RASA1: variants seen among roughly 807,000 people sequenced by gnomAD.
RASA1 encodes RAS p21 protein activator 1.
In RASA1, 25 loss-of-function variants were observed where a neutral mutation model predicts 132.2. That is an observed-to-expected ratio of 0.19 (90% CI 0.14 to 0.26). RASA1 has a LOEUF of 0.26. Ranked by LOEUF, RASA1 falls within the 10% of genes least tolerant of loss-of-function variation. RASA1 has a pLI of 1.00. For synonymous variants in RASA1, 477 were observed against 449.9 expected (o/e 1.06, Z -0.76); for missense variants, 964 against 1,299.2 (o/e 0.74, Z 3.97).
chr5:87,356,896 T>C (rs1421027186), intron 9 of RASA1, among the ~76,000 whole-genome samples: 2 of 152,178 alleles, frequency 1.3e-5, no homozygotes, highest in African/African-American at 4.8e-5. Context: ...CATGCTTTCC[T>C]AGTAGAATTT....
intron 19 of RASA1, among the ~76,000 whole-genome samples, 192 bp downstream of exon 19, chr5:87,380,042 C>T (rs1015929789): frequency 3.3e-5 from 5 of 152,150 alleles, no homozygotes; most frequent in Admixed American, 6.5e-5. Context: ...TATTTTCGTA[C>T]AAGCCAATAT....
rs185072580 is a variant in RASA1, at chr5:87,328,347, C to T, written c.540-3001C>T. ...ATTTTTTTTTAAACTTATTTGAAAA[C>T]GGTCACCAGCAAATCTACTTTTAAA... On this transcript the variant is annotated intron_variant, in intron 1 of 24. Coordinates refer to ENST00000274376, the MANE Select transcript of RASA1 (RefSeq NM_002890.3). 2.4e-3 allele frequency among the ~76,000 whole-genome samples: 363 copies of T among 151,642 alleles called. 1 individual carries two copies. Among genetic ancestry groups the T allele is most frequent in the African/African-American group, 8.2e-3 (340 of 41,334 alleles).
chr5:87,268,300 C>A lies in RASA1; in HGVS notation c.-152C>A. ...CCTGGGCTGTGGCCCTAGGAGGGGG[C>A]GCGGCGGCGGGCTCTCTCCTTTTGT... is the stretch of plus-strand genomic sequence containing the variant. On this transcript the variant is annotated 5_prime_UTR_variant, in exon 1 of 25. Coordinates refer to ENST00000274376, the MANE Select transcript of RASA1 (RefSeq NM_002890.3). 2.7e-6 allele frequency: 3 copies of A among 1,114,436 alleles called. No homozygotes were observed. The highest frequency in any genetic ancestry group is 1.7e-5 in the South Asian group (1 of 58,822). 69.0% of individuals were successfully genotyped at this position (1,114,436 alleles called of 1,614,324 possible).
intron 15 of RASA1, 35 bp from the exon 16 acceptor site, chr5:87,376,358 T>C: frequency 6.2e-7 from 1 of 1,610,592 alleles, no homozygotes; most frequent in Non-Finnish European, 8.5e-7. Context: ...TCGTGTTCTC[T>C]TTTTAAACAA....
In RASA1 at chr5:87,391,481, T is replaced by C. The variant is rs1014046444; in HGVS notation, c.*598T>C. On this transcript the variant is annotated 3_prime_UTR_variant, in exon 25 of 25. Coordinates refer to ENST00000274376, the MANE Select transcript of RASA1 (RefSeq NM_002890.3). Reference sequence around the variant, plus strand: ...TTGCTGGAACTGTTGAAAGAAAATATATAGAATGATCTATTGCTCATCAGC... The same window carrying C: ...TTGCTGGAACTGTTGAAAGAAAATACATAGAATGATCTATTGCTCATCAGC... 13 of 240,264 alleles carry C rather than the reference T, an allele frequency of 5.4e-5. No individual in the cohort carries two copies. Among genetic ancestry groups the C allele is most frequent in the African/African-American group, 8.8e-5 (4 of 45,346 alleles). The allele number at this position is 240,264 out of a possible 1,614,324, so 14.9% of individuals were successfully genotyped here.
intron 20 of RASA1, 40 bp from the exon 21 acceptor site, chr5:87,383,673 T>C: frequency 6.9e-7 from 1 of 1,453,918 alleles, no homozygotes; most frequent in Non-Finnish European, 9.5e-7. Flanking sequence ...TATATAGGTG[T>C]TTTCTAAAAA....
At chr5:87,335,536 C>G (rs563304190) in intron 4 of RASA1, among the ~76,000 whole-genome samples, 12 of 149,468 alleles carry the variant, frequency 8.0e-5, no homozygotes, top group Non-Finnish European at 1.5e-4. Context: ...AGCGATTCTC[C>G]TGCCTCAGCC....
At chr5:87,302,099 C>A (rs1755391838) in intron 1 of RASA1, among the ~76,000 whole-genome samples, 1 of 152,046 alleles carries the variant, frequency 6.6e-6, no homozygotes, top group African/African-American at 2.4e-5. Context: ...ATATAATAAG[C>A]TTGGTAGGTA....
At chr5:87,269,967 C>G (rs1184549114) in intron 1 of RASA1, among the ~76,000 whole-genome samples, 3 of 152,032 alleles carry the variant, frequency 2.0e-5, no homozygotes, top group Non-Finnish European at 4.4e-5. Flanking sequence ...ACCGGCCGGG[C>G]GCAGTGGCTC....
In RASA1 at chr5:87,349,303, C is replaced by T. The variant is rs1210180190; in HGVS notation, c.1192C>T (p.Arg398Ter). ...TTTCCGGACCAATGAAAATATTCAG[C>T]GATTTAAAATATGTCCAACGCCAAA... Reference protein sequence around the residue: ...LYFRTNENIQRFKICPTPNNQ... With the variant: ...LYFRTNENIQ The change falls in exon 8 of 25, where the codon CGA becomes TGA. Residue 398 changes from arginine (R) to a stop codon, truncating the protein, a stop_gained. Transcript: ENST00000274376. LOFTEE classifies it high-confidence loss of function. 1 of 1,611,926 alleles carries T rather than the reference C, an allele frequency of 6.2e-7. No homozygotes were observed. The highest frequency in any genetic ancestry group is 8.5e-7 in the Non-Finnish European group (1 of 1,178,696).
rs1762309937 is a variant in RASA1, at chr5:87,389,413, C to T, written c.2946C>T (p.Asp982=). The change falls in exon 24 of 25, where the codon GAC becomes GAT. Residue 982 remains aspartate (D), a synonymous_variant. Coordinates refer to ENST00000274376, the MANE Select transcript of RASA1 (RefSeq NM_002890.3). ...TAAAGAATGTACCTGAACTTCCGGA[C>T]ACTACAGAGCATTCTAGAACGGACC... The part of the protein sequence containing the change: ...DELGNVPELP[D]TTEHSRTDLS... 1 of 1,613,966 alleles carries T rather than the reference C, an allele frequency of 6.2e-7. No individual in the cohort carries two copies. Among genetic ancestry groups the T allele is most frequent in the Admixed American group, 1.7e-5 (1 of 60,004 alleles).
At chr5:87,347,725 AAAG>A (rs1758965464) in intron 7 of RASA1, among the ~76,000 whole-genome samples, 1 of 152,004 alleles carries the variant, frequency 6.6e-6, no homozygotes, top group Non-Finnish European at 1.5e-5. Flanking sequence ...ATAAGTTAAA[AAAG>A]ATTATGATAA....
In RASA1 at chr5:87,380,543, T is replaced by A. The variant is rs878854571; in HGVS notation, c.2638T>A (p.Ser880Thr). ...ATATATTTATGGGTGTTTACAGAAA[T>A]CTGTTCAGCATAAGTGGCCTACAAA... ...LRYIYGCLQK[S>T]VQHKWPTNTT... Residue 880 changes from serine (S) to threonine (T), a missense_variant, in exon 20 of 25, where the codon TCT becomes ACT. This residue lies in a region of RASA1 where 346 missense variants were observed against 520.1 expected (regional missense o/e 0.67). Transcript: ENST00000274376. 2.5e-6 allele frequency: 4 copies of A among 1,613,306 alleles called. No individual in the cohort carries two copies. Among genetic ancestry groups the A allele is most frequent in the Non-Finnish European group, 2.5e-6 (3 of 1,179,522 alleles).
chr5:87,391,638 A>G lies in RASA1; in HGVS notation c.*755A>G. On this transcript the variant is annotated 3_prime_UTR_variant, in exon 25 of 25. Transcript: ENST00000274376. Reference sequence around the variant, plus strand: ...AATATTATTGGTTGTTGTATTGATCAATGCATGTTACCCATTCAACCATTT... The same window carrying G: ...AATATTATTGGTTGTTGTATTGATCGATGCATGTTACCCATTCAACCATTT... The G allele has an allele frequency of 4.3e-6, 1 of 233,820 alleles. No homozygotes were observed. Among genetic ancestry groups the G allele is most frequent in the African/African-American group, 2.2e-5 (1 of 45,432 alleles). 14.5% of individuals were successfully genotyped at this position (233,820 alleles called of 1,614,324 possible). A position where few individuals can be genotyped will look rare whatever the true frequency, so the allele number is the denominator to read the frequency against.
chr5:87,370,849 ATCC>A (rs1186008832), intron 12 of RASA1, among the ~76,000 whole-genome samples: 1 of 152,136 alleles, frequency 6.6e-6, no homozygotes, highest in African/African-American at 2.4e-5. Context: ...TTAAAACTAG[ATCC>A]TAGCGTGAGA....
rs146733912 is a variant in RASA1, at chr5:87,388,667, T to C, written c.2926-726T>C. Among the ~76,000 whole-genome samples the C allele has an allele frequency of 2.6e-3, 397 of 152,334 alleles. 2 individuals are homozygous for C. Among genetic ancestry groups the C allele is most frequent in the African/African-American group, 9.0e-3 (374 of 41,572 alleles). ...AAAGTACCATAATTAACACTGATTA[T>C]TCCCACACATTAGCAAGTATTCTGA... On this transcript the variant is annotated intron_variant, in intron 23 of 24. Coordinates refer to ENST00000274376, the MANE Select transcript of RASA1 (RefSeq NM_002890.3).
intron 1 of RASA1, among the ~76,000 whole-genome samples, chr5:87,303,874 C>G (rs892033287): frequency 4.0e-5 from 5 of 125,474 alleles, no homozygotes; most frequent in Admixed American, 8.9e-5. Flanking sequence ...GAGTTTTGCT[C>G]TTGTCGCCCA....
At chr5:87,390,555 T>TA (rs952505235) in intron 24 of RASA1, among the ~76,000 whole-genome samples, 2 of 152,152 alleles carry the variant, frequency 1.3e-5, no homozygotes, top group Non-Finnish European at 2.9e-5. Context: ...AGTTCTGGCC[T>TA]AAAAAATAGG....
chr5:87,328,487 A>G (rs1757393405), intron 1 of RASA1, among the ~76,000 whole-genome samples: 1 of 152,214 alleles, frequency 6.6e-6, no homozygotes, highest in Non-Finnish European at 1.5e-5. Flanking sequence ...AGAGGCAGAA[A>G]GTGTAGCATT....
Sources: gnomAD v4.1 joint callset for allele counts (sites outside exome capture counted in the v4.1 genomes callset) on GRCh38, gnomAD v4.1.1 for gene constraint, gnomAD v4.1.1 regional missense constraint, MANE v1.5 for transcripts, NCBI Gene and HGNC (gene_info 2026-07-23, HGNC 2026-07-21) for gene names.